Variants in PPARGC1A observed in about 807,000 individuals in gnomAD.
PPARGC1A encodes the protein peroxisome proliferator-activated receptor gamma coactivator 1-alpha.
In PPARGC1A, 25 loss-of-function variants were observed where a neutral mutation model predicts 88.7. That is an observed-to-expected ratio of 0.28 (90% confidence interval 0.21 to 0.39). The LOEUF (loss-of-function observed/expected upper bound fraction) is 0.39, where lower values mean the gene tolerates loss of function less well. PPARGC1A is among the 10% of genes least tolerant of loss of function. The pLI is 1.00. For synonymous variants in PPARGC1A, 363 were observed against 355.6 expected, an observed-to-expected ratio of 1.02 and a Z score of -0.24; for missense variants, 880 against 968.7, an observed-to-expected ratio of 0.91 and a Z score of 1.22.
chr4:24,402,449 G>T, the PPARGC1A span, among the ~76,000 whole-genome samples: 2 of 152,180 alleles, frequency 1.3e-5, no homozygotes, highest in African/African-American at 2.4e-5. Context: ...TGACAGGAAC[G>T]TCTTAATCTG....
the PPARGC1A span, among the ~76,000 whole-genome samples, chr4:23,999,775 G>A: frequency 6.6e-6 from 1 of 152,136 alleles, no homozygotes. Flanking sequence ...AAAGAAAAAG[G>A]CACTCTGTGA....
the PPARGC1A span, among the ~76,000 whole-genome samples, chr4:23,934,592 G>C: frequency 6.6e-6 from 1 of 152,184 alleles, no homozygotes; most frequent in Non-Finnish European, 1.5e-5. Context: ...TGATAATGGT[G>C]TCTGAGACTC....
chr4:23,862,453 G>A (rs1461195558), intron 2 of PPARGC1A, among the ~76,000 whole-genome samples: 1 of 151,976 alleles, frequency 6.6e-6, no homozygotes, highest in Non-Finnish European at 1.5e-5. Flanking sequence ...GGGAAGCAGT[G>A]TAAGGGAATG....
the PPARGC1A span, among the ~76,000 whole-genome samples, chr4:24,083,258 T>C: frequency 6.6e-6 from 1 of 152,262 alleles, no homozygotes; most frequent in South Asian, 2.1e-4. Context: ...ATGCTTTGGC[T>C]GTCTCCCTAA....
intron 2 of PPARGC1A, among the ~76,000 whole-genome samples, chr4:23,879,236 C>A (rs576716698): frequency 6.6e-6 from 1 of 152,018 alleles, no homozygotes; most frequent in Non-Finnish European, 1.5e-5. Flanking sequence ...AGGAGGTTTG[C>A]CATTCATAGA....
chr4:24,058,811 G>A, the PPARGC1A span, among the ~76,000 whole-genome samples: 6 of 152,222 alleles, frequency 3.9e-5, no homozygotes, highest in South Asian at 1.2e-3. Flanking sequence ...CGGGCGTGGT[G>A]GTGCACACCT....
At chr4:23,902,378 G>A (rs1719512042), upstream of PPARGC1A, among the ~76,000 whole-genome samples, 1 of 152,060 alleles carries the variant, frequency 6.6e-6, no homozygotes, top group African/African-American at 2.4e-5. Flanking sequence ...AACTCCAGGG[G>A]GCGCTACTCG....
chr4:23,935,016 C>G, the PPARGC1A span, among the ~76,000 whole-genome samples: 1 of 152,180 alleles, frequency 6.6e-6, no homozygotes, highest in Admixed American at 6.5e-5. Context: ...TGGGCAGAAA[C>G]CAAGCTCGAG....
chr4:24,401,173 T>C, the PPARGC1A span, among the ~76,000 whole-genome samples: 73 of 151,764 alleles, frequency 4.8e-4, no homozygotes, highest in African/African-American at 1.4e-3. Context: ...CGCCCACCAC[T>C]ACGCCCGGCT....
At chr4:23,829,383 C>G (rs1724587577) in intron 4 of PPARGC1A, 80 bp downstream of exon 4, 4 of 1,492,492 alleles carry the variant, frequency 2.7e-6, no homozygotes, top group East Asian at 2.3e-5. Flanking sequence ...GAATTAATAC[C>G]TACAAACTTA....
At chr4:23,846,270 A>G (rs770122052) in intron 2 of PPARGC1A, among the ~76,000 whole-genome samples, 1 of 152,132 alleles carries the variant, frequency 6.6e-6, no homozygotes, top group Non-Finnish European at 1.5e-5. Flanking sequence ...TGCGTGGTCA[A>G]CTCTTCCAAC....
chr4:24,083,456 C>A, the PPARGC1A span, among the ~76,000 whole-genome samples: 2 of 152,174 alleles, frequency 1.3e-5, no homozygotes, highest in Admixed American at 6.5e-5. Flanking sequence ...TCAAACATAA[C>A]CACACATTTA....
chr4:24,014,987 G>C, the PPARGC1A span, among the ~76,000 whole-genome samples: 1 of 152,258 alleles, frequency 6.6e-6, no homozygotes, highest in East Asian at 1.9e-4. Context: ...ATATTCTGTC[G>C]AGAGCAATGT....
At chr4:24,194,262 A>G in the PPARGC1A span, among the ~76,000 whole-genome samples, 3 of 152,354 alleles carry the variant, frequency 2.0e-5, no homozygotes, top group East Asian at 5.8e-4. Flanking sequence ...AGGAACTTCC[A>G]TTAAAGCAGC....
chr4:24,289,155 G>T, the PPARGC1A span, among the ~76,000 whole-genome samples: 1 of 148,798 alleles, frequency 6.7e-6, no homozygotes, highest in African/African-American at 2.5e-5. Flanking sequence ...GGGAGGCGGA[G>T]GTTGCGGTGA....
chr4:24,134,379 A>T, the PPARGC1A span, among the ~76,000 whole-genome samples: 1 of 152,254 alleles, frequency 6.6e-6, no homozygotes, highest in African/African-American at 2.4e-5. Context: ...ATAAATGTTT[A>T]CAAATCAACC....
chr4:23,871,322 A>C (rs1180082900), intron 2 of PPARGC1A, among the ~76,000 whole-genome samples: 1 of 152,184 alleles, frequency 6.6e-6, no homozygotes, highest in African/African-American at 2.4e-5. Context: ...CGGTGATAGG[A>C]TTAAAGGAGC....
intron 2 of PPARGC1A, among the ~76,000 whole-genome samples, chr4:23,838,474 G>A (rs1056878323): frequency 6.6e-6 from 1 of 151,842 alleles, no homozygotes; most frequent in Non-Finnish European, 1.5e-5. Flanking sequence ...TGGACGGTGG[G>A]GAAAAAGAAA....
chr4:24,217,064 C>G, the PPARGC1A span, among the ~76,000 whole-genome samples: 13 of 152,162 alleles, frequency 8.5e-5, no homozygotes, highest in Admixed American at 2.0e-4. Flanking sequence ...GGAATGACGG[C>G]AATGTGTGAA....
Sources: allele counts gnomAD v4.1 joint callset (sites outside exome capture counted in the v4.1 genomes callset), GRCh38; gene constraint gnomAD v4.1.1; transcripts MANE v1.5; gene names NCBI Gene and HGNC (gene_info 2026-07-23, HGNC 2026-07-21).